Variants in UGT3A1 observed in about 807,000 individuals in gnomAD.
UGT3A1 encodes the protein UDP-glycosyltransferase 3A1.
In UGT3A1, 40 loss-of-function variants were observed where a neutral mutation model predicts 37.6. That is an observed-to-expected ratio of 1.06 (90% CI 0.83 to 1.38). UGT3A1 has a LOEUF of 1.38. Ranked by LOEUF, UGT3A1 falls within the 40% of genes most tolerant of loss-of-function variation. The pLI is 0.00. For synonymous variants in UGT3A1, 256 were observed against 232.3 expected (o/e 1.10, Z -0.93); for missense variants, 642 against 634.2 (o/e 1.01, Z -0.13).
At chr5:35,991,555 A>C (rs779589743), upstream of UGT3A1, 2 of 1,104,328 alleles carry the variant, frequency 1.8e-6, no homozygotes, top group Non-Finnish European at 2.2e-6. Context: ...GAAAATCCTT[A>C]CTAAGAGCCA....
chr5:35,995,016 C>T (rs1490098987), upstream of UGT3A1, among the ~76,000 whole-genome samples: 1 of 152,196 alleles, frequency 6.6e-6, no homozygotes. Context: ...AAAAACTAAA[C>T]AGCCAGAATG....
chr5:35,956,015 C>T, intron 5 of UGT3A1, 151 bp from the exon 6 acceptor site: 1 of 792,774 alleles, frequency 1.3e-6, no homozygotes. Flanking sequence ...CAAGTGTGAA[C>T]ATTCCAGGAT....
chr5:35,970,196 C>T (rs1739979571), intron 2 of UGT3A1, among the ~76,000 whole-genome samples: 1 of 152,114 alleles, frequency 6.6e-6, no homozygotes. Context: ...CAAGACTATC[C>T]TGGCTAATAC....
At chr5:35,956,366 C>G (rs1202355931) in intron 5 of UGT3A1, among the ~76,000 whole-genome samples, 1 of 152,224 alleles carries the variant, frequency 6.6e-6, no homozygotes, top group Non-Finnish European at 1.5e-5. Context: ...AGAGTTAAAT[C>G]TGTGTTTCTC....
In UGT3A1 at chr5:35,955,757, G is replaced by A. The variant is rs766998224; in HGVS notation, c.1183C>T (p.His395Tyr). The A allele has an allele frequency of 2.5e-6, 4 of 1,614,150 alleles. No homozygotes were observed. In the South Asian group the frequency reaches 3.3e-5, roughly 13 times the overall value. The change falls in exon 6 of 7, where the codon CAT becomes TAT. Residue 395 changes from histidine to tyrosine, a missense_variant. By Grantham distance (83) the His-to-Tyr change is moderately conservative. Coordinates refer to ENST00000274278, the MANE Select transcript of UGT3A1 (RefSeq NM_152404.4). The stretch of plus-strand genomic sequence containing the variant: ...GCTACTACTCGGACCATGTTTCCAT[G>A]CTGGTCTCCATTGACTGGTAATCCC... ...MVGLPVNGDQ[H>Y]GNMVRVVAKN...
Position 35,965,936 on chromosome 5 carries a change from A to G in UGT3A1, c.312-19T>C. ...TTCTTTTCTGTAATAAAGAAAATAA[A>G]TAATAAATATTTGGGAAAGTGTAAT... On this transcript the variant is annotated intron_variant, in intron 3 of 6. Transcript: ENST00000274278. 6.8e-7 allele frequency: 1 copy of G among 1,472,822 alleles called. No homozygotes were observed. The highest frequency in any genetic ancestry group is 1.4e-5 in the South Asian group (1 of 69,602). The allele number at this position is 1,472,822 out of a possible 1,614,324, so 91.2% of individuals were successfully genotyped here.
In UGT3A1 at chr5:35,965,903, G is replaced by T; in HGVS notation, c.326C>A (p.Ala109Asp). The T allele has an allele frequency of 6.4e-7, 1 of 1,551,120 alleles. No individual in the cohort carries two copies. Among genetic ancestry groups the T allele is most frequent in the South Asian group, 1.3e-5 (1 of 79,704 alleles). Residue 109 changes from alanine to aspartate, a missense_variant, in exon 4 of 7, where the codon GCC becomes GAC. Coordinates refer to ENST00000274278, the MANE Select transcript of UGT3A1 (RefSeq NM_152404.4). ...AAATATTTCCATTAGCTTTACAAGG[G>T]CTTCAGATTCTTTTCTGTAATAAAG... ...TALDGRKESE[A>D]LVKLMEIFGT...
upstream of UGT3A1, among the ~76,000 whole-genome samples, chr5:35,992,746 T>C (rs563681245): frequency 6.6e-6 from 1 of 151,940 alleles, no homozygotes; most frequent in African/African-American, 2.4e-5. Flanking sequence ...ATTATAGGAG[T>C]ATGAGAGAAA....
At position 35,951,252 on chromosome 5, in the gene UGT3A1, T is replaced by C. The variant is rs1739195445; in HGVS notation, c.*2950A>G. 6.6e-6 allele frequency: 1 copy of C among 152,120 alleles called. No homozygotes were observed. Among genetic ancestry groups the C allele is most frequent in the African/African-American group, 2.4e-5 (1 of 41,448 alleles). 9.4% of individuals were successfully genotyped at this position (152,120 alleles called of 1,614,324 possible). ...CCAAAATCCAAACTATGTAAAAACATAAACACATGGATCCTTCCACCCTAT... is the reference window on the plus strand; with the variant it reads ...CCAAAATCCAAACTATGTAAAAACACAAACACATGGATCCTTCCACCCTAT... On this transcript the variant is annotated 3_prime_UTR_variant, in exon 7 of 7. Transcript: ENST00000274278.
chr5:35,988,438 TA>T lies in UGT3A1; in HGVS notation c.196+11del. ...GTAAAAGAATATAAAAATTAGTTTT[TA>T]AAAAAGATACCTGGGATCAAAAACT... On this transcript the variant is annotated intron_variant, in intron 2 of 6. Transcript: ENST00000274278. The T allele has an allele frequency of 6.3e-7, 1 of 1,579,312 alleles. No individual in the cohort carries two copies. The highest frequency in any genetic ancestry group is 8.6e-7 in the Non-Finnish European group (1 of 1,165,532).
At chr5:35,971,803 G>A (rs965538853) in intron 2 of UGT3A1, among the ~76,000 whole-genome samples, 1 of 152,176 alleles carries the variant, frequency 6.6e-6, no homozygotes, top group Non-Finnish European at 1.5e-5. Context: ...GCCTGTTGCT[G>A]TAGCTAAGTT....
intron 6 of UGT3A1, 30 bp downstream of exon 6, chr5:35,955,615 T>C: frequency 2.5e-6 from 4 of 1,611,900 alleles, no homozygotes; most frequent in African/African-American, 2.7e-5. Flanking sequence ...CATTCAGCCT[T>C]AGTGACCACA....
chr5:35,980,025 C>A (rs1740455404), intron 2 of UGT3A1, among the ~76,000 whole-genome samples: 1 of 152,214 alleles, frequency 6.6e-6, no homozygotes. Context: ...CACCAGGTTT[C>A]TTCCACAACA....
rs1372361251 is a variant in UGT3A1, at chr5:35,966,294, G to A, written c.312-377C>T. On this transcript the variant is annotated intron_variant, in intron 3 of 6. Coordinates refer to ENST00000274278, the MANE Select transcript of UGT3A1 (RefSeq NM_152404.4). Reference sequence around the variant, plus strand: ...ATATACTGACTTTTTGTGAGTGACTGTCTTTTCTCCAGAAATCTATGTAAG... The same window carrying A: ...ATATACTGACTTTTTGTGAGTGACTATCTTTTCTCCAGAAATCTATGTAAG... 2.6e-5 allele frequency among the ~76,000 whole-genome samples: 4 copies of A among 152,264 alleles called. No individual in the cohort carries two copies. In the East Asian group the frequency reaches 7.7e-4, roughly 29 times the overall value.
At chr5:35,957,474 C>A in intron 4 of UGT3A1, 55 bp from the exon 5 acceptor site, 2 of 1,436,784 alleles carry the variant, frequency 1.4e-6, no homozygotes, top group Non-Finnish European at 9.6e-7. Context: ...GCCTAAGTGT[C>A]CATGAAATGA....
intron 1 of UGT3A1, chr5:35,990,905 G>A (rs963077794): frequency 5.2e-6 from 7 of 1,355,276 alleles, no homozygotes; most frequent in Admixed American, 3.1e-5. Context: ...CGGGGAGCGC[G>A]TCCTGAACAA....
At chr5:35,989,966 A>G (rs1201286580) in intron 1 of UGT3A1, among the ~76,000 whole-genome samples, 1 of 152,084 alleles carries the variant, frequency 6.6e-6, no homozygotes, top group Non-Finnish European at 1.5e-5. Context: ...GGGCGCCTGT[A>G]GTCCCAGCCC....
At chr5:35,973,709 T>C (rs1389163942) in intron 2 of UGT3A1, among the ~76,000 whole-genome samples, 2 of 152,190 alleles carry the variant, frequency 1.3e-5, no homozygotes, top group Non-Finnish European at 2.9e-5. Context: ...GGCTCTGTGT[T>C]TGTTCTCCTT....
At chr5:35,978,729 A>T (rs1740399975) in intron 2 of UGT3A1, among the ~76,000 whole-genome samples, 1 of 152,144 alleles carries the variant, frequency 6.6e-6, no homozygotes, top group Non-Finnish European at 1.5e-5. Context: ...ATTTCAAAAC[A>T]ATCATGCCTT....
Sources: allele counts gnomAD v4.1 joint callset (sites outside exome capture counted in the v4.1 genomes callset), GRCh38; gene constraint gnomAD v4.1.1; transcripts MANE v1.5; gene names NCBI Gene and HGNC (gene_info 2026-07-23, HGNC 2026-07-21).